The following KANSL1 variants were observed in gnomAD, a reference collection of about 807,000 sequenced individuals.
The protein encoded by KANSL1 is MLL1/MLL complex subunit KANSL1.
Under a neutral mutation model 103.6 loss-of-function variants are expected in KANSL1, and 22 were observed. The ratio of observed to expected loss-of-function variants is 0.21; its 90% CI spans 0.15 to 0.30. The LOEUF (loss-of-function observed/expected upper bound fraction) is 0.30, where lower values mean the gene tolerates loss of function less well. Among genes scored for constraint, KANSL1 ranks in the 10% least tolerant of loss-of-function variants. KANSL1 has a pLI of 1.00. For missense variants in KANSL1, 1,337 were observed against 1,399.8 expected (o/e 0.96, Z 0.72); for synonymous variants, 600 against 527.6 (o/e 1.14, Z -1.88).
intron 6 of KANSL1, among the ~76,000 whole-genome samples, chr17:46,052,542 T>C: frequency 6.6e-6 from 1 of 151,594 alleles, no homozygotes; most frequent in Non-Finnish European, 1.5e-5. Context: ...GAGGCAGAGG[T>C]TGCAGTGAGC....
upstream of KANSL1, among the ~76,000 whole-genome samples, chr17:46,194,782 T>C (rs2047550031): frequency 1.3e-5 from 2 of 152,268 alleles, no homozygotes; most frequent in African/African-American, 4.8e-5. Flanking sequence ...TCCGGCATTA[T>C]ACGTCACTTC....
At chr17:46,167,450 A>C (rs1028787827) in intron 2 of KANSL1, among the ~76,000 whole-genome samples, 2 of 152,232 alleles carry the variant, frequency 1.3e-5, no homozygotes, top group African/African-American at 4.8e-5. Flanking sequence ...TAATCCCATA[A>C]TCAAGGAGAT....
intron 2 of KANSL1, among the ~76,000 whole-genome samples, chr17:46,136,689 A>C (rs1439927140): frequency 6.6e-6 from 1 of 152,206 alleles, no homozygotes. Context: ...TCAGGAAAAA[A>C]CAAAAAGGGA....
intron 2 of KANSL1, among the ~76,000 whole-genome samples, chr17:46,141,914 G>C (rs939046297): frequency 6.6e-6 from 1 of 152,062 alleles, no homozygotes; most frequent in African/African-American, 2.4e-5. Context: ...TTTCAGACAA[G>C]TCTCACTCTG....
chr17:46,093,092 ACT>A (rs2079476706), intron 3 of KANSL1: 1 of 152,142 alleles, frequency 6.6e-6, no homozygotes. Context: ...TTACTAAGAG[ACT>A]CTAGTTCTCA....
intron 2 of KANSL1, among the ~76,000 whole-genome samples, chr17:46,128,612 G>C (rs972120273): frequency 6.6e-6 from 1 of 152,224 alleles, no homozygotes; most frequent in Non-Finnish European, 1.5e-5. Context: ...ACAGGGTGAA[G>C]AACAGAGCCA....
chr17:46,135,267 T>TA (rs35173354), intron 2 of KANSL1, among the ~76,000 whole-genome samples: 65,496 of 146,816 alleles, frequency 0.45, 16,580 homozygotes, highest in East Asian at 0.86. Context: ...GTGGTCTAGA[T>TA]AAAAAAAAAA....
At chr17:46,095,587 T>C (rs1568442346) in intron 2 of KANSL1, among the ~76,000 whole-genome samples, 1 of 152,220 alleles carries the variant, frequency 6.6e-6, no homozygotes, top group Non-Finnish European at 1.5e-5. Context: ...CTTCATGATA[T>C]AATTACAAAA....
At chr17:46,153,396 TATCA>T (rs1487532898) in intron 2 of KANSL1, among the ~76,000 whole-genome samples, 2 of 152,268 alleles carry the variant, frequency 1.3e-5, no homozygotes, top group Non-Finnish European at 2.9e-5. Context: ...CTTTATCTTT[TATCA>T]AAAGCCTGTG....
intron 1 of KANSL1, among the ~76,000 whole-genome samples, chr17:46,177,978 C>T (rs2046606879): frequency 1.3e-5 from 2 of 152,112 alleles, no homozygotes; most frequent in African/African-American, 4.8e-5. Flanking sequence ...AGGGTTTCAC[C>T]ATGTTAGCCA....
chr17:46,068,932 C>T (rs977303172), intron 4 of KANSL1, among the ~76,000 whole-genome samples: 6 of 151,842 alleles, frequency 4.0e-5, no homozygotes, highest in African/African-American at 1.2e-4. Context: ...TGACTCCTTA[C>T]TTTATTTTTT....
chr17:46,065,986 G>A (rs1449927371), intron 6 of KANSL1, among the ~76,000 whole-genome samples: 1 of 152,114 alleles, frequency 6.6e-6, no homozygotes, highest in Non-Finnish European at 1.5e-5. Flanking sequence ...TCGGCCTCCT[G>A]AATAGCTGGG....
chr17:46,224,518 G>A (rs2048625220), upstream of KANSL1: 1 of 147,556 alleles, frequency 6.8e-6, no homozygotes, highest in Admixed American at 7.3e-5. Flanking sequence ...AAAAATAAAT[G>A]TCGAAAAGTA....
At chr17:46,221,760 C>A (rs1427140528) in intron 1 of KANSL1, 1 of 151,112 alleles carries the variant, frequency 6.6e-6, no homozygotes, top group African/African-American at 2.4e-5. Context: ...AATATAAGAT[C>A]TATATAAAAT....
At chr17:46,096,821 G>A (rs2042108030) in intron 2 of KANSL1, among the ~76,000 whole-genome samples, 1 of 151,124 alleles carries the variant, frequency 6.6e-6, no homozygotes, top group Non-Finnish European at 1.5e-5. Flanking sequence ...GTTTCACTGT[G>A]TTAGCCAGGA....
intron 2 of KANSL1, among the ~76,000 whole-genome samples, chr17:46,154,115 G>C (rs2045282641): frequency 6.6e-6 from 1 of 152,206 alleles, no homozygotes; most frequent in African/African-American, 2.4e-5. Context: ...AGTTTGGCAG[G>C]AGTGGGAGTA....
At chr17:46,134,928 T>C (rs1460154467) in intron 2 of KANSL1, among the ~76,000 whole-genome samples, 7 of 152,180 alleles carry the variant, frequency 4.6e-5, no homozygotes, top group Non-Finnish European at 5.9e-5. Flanking sequence ...GAGGTACTTT[T>C]AGTATTCAAA....
intron 1 of KANSL1, among the ~76,000 whole-genome samples, chr17:46,173,244 T>C (rs934305819): frequency 5.3e-5 from 8 of 152,330 alleles, no homozygotes; most frequent in East Asian, 3.9e-4. Flanking sequence ...CAACCACTAG[T>C]ATGGTGAGGT....
intron 1 of KANSL1, among the ~76,000 whole-genome samples, chr17:46,179,574 G>A (rs144880716): frequency 2.0e-5 from 3 of 152,318 alleles, no homozygotes; most frequent in Non-Finnish European, 4.4e-5. Flanking sequence ...CACAAAGGAC[G>A]GAAAGAAACA....
Sources: allele counts gnomAD v4.1 joint callset (sites outside exome capture counted in the v4.1 genomes callset), GRCh38; gene constraint gnomAD v4.1.1; transcripts MANE v1.5; gene names NCBI Gene and HGNC (gene_info 2026-07-23, HGNC 2026-07-21).